GAB2: variants seen among roughly 807,000 people sequenced by gnomAD.
GAB2 encodes the protein GRB2 associated binding protein 2.
A neutral mutation model predicts 65.5 loss-of-function variants in GAB2; 26 were observed. The ratio of observed to expected loss-of-function variants is 0.40; its 90% CI spans 0.29 to 0.55. GAB2 has a LOEUF of 0.55. Ranked by LOEUF, GAB2 falls within the 20% of genes least tolerant of loss-of-function variation. The pLI is 0.53. For synonymous variants in GAB2, 321 were observed against 329.6 expected (o/e 0.97, Z 0.28); for missense variants, 884 against 875.8 (o/e 1.01, Z -0.12).
intron 1 of GAB2, among the ~76,000 whole-genome samples, chr11:78,301,393 G>C (rs1867015547): frequency 6.7e-6 from 1 of 148,624 alleles, no homozygotes; most frequent in South Asian, 2.1e-4. Flanking sequence ...GCAATGGCGT[G>C]ATCTGGGCTC....
chr11:78,323,832 C>G (rs367766741), intron 1 of GAB2, among the ~76,000 whole-genome samples: 2 of 119,510 alleles, frequency 1.7e-5, no homozygotes, highest in African/African-American at 3.2e-5. Flanking sequence ...AAGCCTGGCT[C>G]TGTTGCCCAG....
intron 1 of GAB2, among the ~76,000 whole-genome samples, chr11:78,287,133 G>T (rs372932509): frequency 2.0e-5 from 3 of 152,292 alleles, no homozygotes; most frequent in African/African-American, 4.8e-5. Flanking sequence ...AAAACTGCAT[G>T]ATCATATCTT....
chr11:78,357,859 G>A (rs1856379947), intron 1 of GAB2, among the ~76,000 whole-genome samples: 1 of 152,144 alleles, frequency 6.6e-6, no homozygotes, highest in Non-Finnish European at 1.5e-5. Flanking sequence ...GCTGTAAACT[G>A]GTTCAACCAT....
intron 1 of GAB2, among the ~76,000 whole-genome samples, chr11:78,380,672 C>A (rs1008696255): frequency 6.6e-6 from 1 of 152,182 alleles, no homozygotes; most frequent in East Asian, 1.9e-4. Context: ...ATAATTCAAA[C>A]TGAAAGCTAT....
At chr11:78,220,294 GC>G (rs761948853) in intron 9 of GAB2, 24 bp downstream of exon 9, 4 of 1,610,334 alleles carry the variant, frequency 2.5e-6, no homozygotes, top group Non-Finnish European at 2.5e-6. Context: ...AGCTCTTACT[GC>G]CCCCCCAACT....
intron 3 of GAB2, among the ~76,000 whole-genome samples, chr11:78,228,992 G>C (rs1040933172): frequency 6.6e-6 from 1 of 152,034 alleles, no homozygotes; most frequent in Admixed American, 6.6e-5. Flanking sequence ...TTTCCATCTG[G>C]GCCAGGCAAA....
intron 1 of GAB2, among the ~76,000 whole-genome samples, chr11:78,350,926 C>A (rs1047910323): frequency 6.6e-6 from 1 of 152,224 alleles, no homozygotes; most frequent in African/African-American, 2.4e-5. Context: ...GAGAGGAAGA[C>A]ACACAACCCG....
At chr11:78,282,356 G>GA (rs1866358936) in intron 1 of GAB2, among the ~76,000 whole-genome samples, 1 of 151,636 alleles carries the variant, frequency 6.6e-6, no homozygotes, top group African/African-American at 2.4e-5. Flanking sequence ...ACCCAGGCTG[G>GA]AGTGCAGTGG....
chr11:78,314,870 C>T (rs1379500928), intron 1 of GAB2, among the ~76,000 whole-genome samples: 1 of 152,196 alleles, frequency 6.6e-6, no homozygotes, highest in East Asian at 1.9e-4. Flanking sequence ...CCACCACCGT[C>T]AAGAGGCCTT....
chr11:78,349,055 G>A (rs1164787087), intron 1 of GAB2, among the ~76,000 whole-genome samples: 2 of 152,216 alleles, frequency 1.3e-5, no homozygotes, highest in Non-Finnish European at 2.9e-5. Flanking sequence ...AGGGGCAAGA[G>A]GAATCTTTTG....
At chr11:78,368,767 C>T (rs1040586966) in intron 1 of GAB2, among the ~76,000 whole-genome samples, 2 of 151,766 alleles carry the variant, frequency 1.3e-5, no homozygotes, top group Non-Finnish European at 2.9e-5. Flanking sequence ...ACTTCAGACC[C>T]CAGAAAAGCA....
At chr11:78,261,609 C>T (rs766077820) in intron 2 of GAB2, among the ~76,000 whole-genome samples, 1 of 152,152 alleles carries the variant, frequency 6.6e-6, no homozygotes, top group South Asian at 2.1e-4. Context: ...CCTGTTCCTT[C>T]GTGTGGGGCT....
chr11:78,334,072 AG>A (rs1386500326), intron 1 of GAB2, among the ~76,000 whole-genome samples: 1 of 152,180 alleles, frequency 6.6e-6, no homozygotes, highest in Non-Finnish European at 1.5e-5. Context: ...CTACAACAGA[AG>A]GGAGGACTAA....
rs933268679 is a variant in GAB2 at position 78,215,982 on chromosome 11, C to CTT, written c.*3288_*3289dup. 4 of 152,658 alleles carry CTT rather than the reference C, an allele frequency of 2.6e-5. No homozygotes were observed. Among genetic ancestry groups the CTT allele is most frequent in the African/African-American group, 9.7e-5 (4 of 41,448 alleles). The allele number at this position is 152,658 out of a possible 1,614,324, so 9.5% of individuals were successfully genotyped here. ...GCTTTTGTCACAGGAATGGGGCATA[C>CTT]TTTGTTAACTTCTACATTGGAAACC... On this transcript the variant is annotated 3_prime_UTR_variant, in exon 10 of 10. Transcript: ENST00000361507.
intron 1 of GAB2, among the ~76,000 whole-genome samples, chr11:78,396,812 C>G (rs1419948622): frequency 1.4e-4 from 22 of 152,126 alleles, no homozygotes; most frequent in African/African-American, 5.3e-4. Context: ...GGTCAGGCTG[C>G]TCTCCAACTC....
intron 2 of GAB2, among the ~76,000 whole-genome samples, chr11:78,258,346 A>G (rs569360279): frequency 3.0e-4 from 46 of 152,302 alleles, no homozygotes; most frequent in African/African-American, 8.9e-4. Flanking sequence ...GAAAGAGCAA[A>G]TATTTCCAAA....
chr11:78,258,663 T>G (rs896405723), intron 2 of GAB2, among the ~76,000 whole-genome samples: 8 of 151,780 alleles, frequency 5.3e-5, no homozygotes, highest in African/African-American at 1.7e-4. Context: ...AGTGGCACAA[T>G]TATGGCTCAT....
rs1725011343 is a variant in GAB2, at chr11:78,360,859, A to G, written c.75+56787T>C. On this transcript the variant is annotated intron_variant, in intron 1 of 9. Coordinates refer to ENST00000361507, the MANE Select transcript of GAB2 (RefSeq NM_080491.3). ...GGGCAACAGAGCAAAACTTCGTCTC[A>G]AAGAAAAACAACAACAACAACAACA... Among the ~76,000 whole-genome samples the G allele has an allele frequency of 2.6e-5, 4 of 152,128 alleles. No individual in the cohort carries two copies. In the South Asian group the frequency reaches 8.3e-4, roughly 32 times the overall value.
chr11:78,385,716 G>A (rs939649742), intron 1 of GAB2, among the ~76,000 whole-genome samples: 2 of 152,182 alleles, frequency 1.3e-5, no homozygotes, highest in Non-Finnish European at 2.9e-5. Flanking sequence ...AAGATGGGAA[G>A]CATGTCCAAT....
Sources: allele counts gnomAD v4.1 joint callset (sites outside exome capture counted in the v4.1 genomes callset), GRCh38; gene constraint gnomAD v4.1.1; transcripts MANE v1.5; gene names NCBI Gene and HGNC (gene_info 2026-07-23, HGNC 2026-07-21).